The following ASTN2 variants were observed in gnomAD, a reference collection of about 807,000 sequenced individuals.
ASTN2 encodes astrotactin 2.
Under a neutral mutation model 139.8 loss-of-function variants are expected in ASTN2, and 54 were observed. The ratio of observed to expected loss-of-function variants is 0.39; its 90% CI spans 0.31 to 0.48. The LOEUF (loss-of-function observed/expected upper bound fraction) is 0.48, where lower values mean the gene tolerates loss of function less well. Ranked by LOEUF, ASTN2 falls within the 20% of genes least tolerant of loss-of-function variation. The probability of loss-of-function intolerance (pLI) is 0.95; values close to 1 mark genes in which losing one functional copy is unlikely to be tolerated. For missense variants in ASTN2, 1,565 were observed against 1,725.1 expected (o/e 0.91, Z 1.64); for synonymous variants, 756 against 719.5 (o/e 1.05, Z -0.81).
At chr9:116,961,618 T>C (rs1835877225) in intron 10 of ASTN2, among the ~76,000 whole-genome samples, 1 of 152,228 alleles carries the variant, frequency 6.6e-6, no homozygotes, top group Non-Finnish European at 1.5e-5. Context: ...GTTGCTTCCA[T>C]GTTTAGCTAT....
At chr9:116,984,655 G>T (rs1836626123) in intron 7 of ASTN2, among the ~76,000 whole-genome samples, 1 of 152,176 alleles carries the variant, frequency 6.6e-6, no homozygotes, top group South Asian at 2.1e-4. Context: ...GGAGAAAAGG[G>T]AAAATTAAGT....
chr9:117,000,593 T>C (rs1837167282), intron 7 of ASTN2, among the ~76,000 whole-genome samples: 1 of 152,214 alleles, frequency 6.6e-6, no homozygotes, highest in South Asian at 2.1e-4. Context: ...TGCATTTTAC[T>C]GGACCAGAGC....
chr9:116,666,949 C>CTTTTTTTTTTTTT (rs34835904), intron 16 of ASTN2, among the ~76,000 whole-genome samples: 171 of 70,238 alleles, frequency 2.4e-3, no homozygotes, highest in Non-Finnish European at 3.1e-3. Context: ...TTTATTTATT[C>CTTTTTTTTTTTTT]TTTTTTTTTT....
At chr9:117,053,163 G>T (rs1021306142) in intron 5 of ASTN2, among the ~76,000 whole-genome samples, 1 of 152,088 alleles carries the variant, frequency 6.6e-6, no homozygotes, top group African/African-American at 2.4e-5. Flanking sequence ...CCTCTGTGTA[G>T]GTAGTGGATT....
chr9:116,927,166 G>A (rs1297096434), intron 10 of ASTN2, among the ~76,000 whole-genome samples: 5 of 152,162 alleles, frequency 3.3e-5, no homozygotes, highest in Admixed American at 3.3e-4. Flanking sequence ...ATGTGGCAGG[G>A]TATCTCTGTT....
chr9:117,316,987 C>A (rs1322274961), intron 1 of ASTN2, among the ~76,000 whole-genome samples: 3 of 152,064 alleles, frequency 2.0e-5, no homozygotes. Context: ...CTGTTTAATT[C>A]TCTCTGCTTC....
At chr9:116,600,947 C>T (rs1336642863) in intron 19 of ASTN2, among the ~76,000 whole-genome samples, 1 of 151,944 alleles carries the variant, frequency 6.6e-6, no homozygotes, top group Non-Finnish European at 1.5e-5. Flanking sequence ...GTACTAGGCA[C>T]TGGGGATAGG....
At chr9:116,815,818 A>AAAAAAAAAAAAC (rs1831309771) in intron 12 of ASTN2, among the ~76,000 whole-genome samples, 1 of 148,070 alleles carries the variant, frequency 6.8e-6, no homozygotes, top group African/African-American at 2.5e-5. Flanking sequence ...AAAAAAAAAA[A>AAAAAAAAAAAAC]AAAAAAAAAA....
At chr9:116,610,014 CA>C (rs1162898924) in intron 19 of ASTN2, among the ~76,000 whole-genome samples, 1 of 151,062 alleles carries the variant, frequency 6.6e-6, no homozygotes, top group East Asian at 1.9e-4. Context: ...AAAAACTATC[CA>C]AAAGAAGATA....
chr9:116,742,398 TGAAGAG>T (rs547674222), intron 13 of ASTN2, among the ~76,000 whole-genome samples: 83 of 152,308 alleles, frequency 5.4e-4, no homozygotes, highest in African/African-American at 1.9e-3. Context: ...AAGGAATTGT[TGAAGAG>T]GAAAGTCAAG....
At chr9:117,178,055 T>G (rs1257906513) in intron 3 of ASTN2, among the ~76,000 whole-genome samples, 2 of 152,218 alleles carry the variant, frequency 1.3e-5, no homozygotes, top group Non-Finnish European at 2.9e-5. Context: ...CTATTGTCCC[T>G]TGTTGTTGGA....
At chr9:117,190,118 A>G (rs1831307684) in intron 3 of ASTN2, among the ~76,000 whole-genome samples, 1 of 152,198 alleles carries the variant, frequency 6.6e-6, no homozygotes, top group Non-Finnish European at 1.5e-5. Context: ...CTGATGAAGT[A>G]GAGAGAGCAG....
At chr9:117,027,968 C>T (rs1198329042) in intron 6 of ASTN2, among the ~76,000 whole-genome samples, 3 of 152,128 alleles carry the variant, frequency 2.0e-5, no homozygotes, top group Admixed American at 1.3e-4. Flanking sequence ...TACAGTGACT[C>T]GTCCAAGATC....
intron 10 of ASTN2, among the ~76,000 whole-genome samples, chr9:116,969,448 C>T (rs1836119634): frequency 6.6e-6 from 1 of 152,126 alleles, no homozygotes; most frequent in Non-Finnish European, 1.5e-5. Context: ...GACAGGACTT[C>T]TGCATAAACC....
intron 1 of ASTN2, among the ~76,000 whole-genome samples, chr9:117,309,826 C>G (rs987400077): frequency 1.3e-5 from 2 of 152,060 alleles, no homozygotes; most frequent in African/African-American, 4.8e-5. Flanking sequence ...GAGGTACCCC[C>G]TTAATTGCTC....
At chr9:116,620,741 C>G (rs1421148173) in intron 17 of ASTN2, among the ~76,000 whole-genome samples, 1 of 150,196 alleles carries the variant, frequency 6.7e-6, no homozygotes, top group Non-Finnish European at 1.5e-5. Context: ...ACAACAACCT[C>G]ACACAATAGA....
chr9:116,604,523 C>T (rs763899513), intron 19 of ASTN2, among the ~76,000 whole-genome samples: 4 of 152,138 alleles, frequency 2.6e-5, no homozygotes, highest in Admixed American at 6.5e-5. Context: ...CAGGCTGACC[C>T]GGAGTAAGCA....
intron 1 of ASTN2, among the ~76,000 whole-genome samples, chr9:117,360,541 C>T (rs754607416): frequency 7.9e-5 from 12 of 152,128 alleles, no homozygotes; most frequent in Admixed American, 1.3e-4. Context: ...TTCCCACCCT[C>T]GTGGAGCTGC....
intron 13 of ASTN2, among the ~76,000 whole-genome samples, chr9:116,770,103 T>TAA (rs3041036): frequency 0.095 from 12,872 of 135,164 alleles, 949 homozygotes; most frequent in East Asian, 0.35. Context: ...CTCTGAGAGT[T>TAA]AAAAAAAAAA....
Sources: allele counts gnomAD v4.1 joint callset (sites outside exome capture counted in the v4.1 genomes callset), GRCh38; gene constraint gnomAD v4.1.1; transcripts MANE v1.5; gene names NCBI Gene and HGNC (gene_info 2026-07-23, HGNC 2026-07-21).